Variants in METTL16 observed in about 807,000 individuals in gnomAD.
METTL16 encodes methyltransferase 16, RNA N6-adenosine.
METTL16 carries 19 observed loss-of-function variants against 57.9 expected under a neutral mutation model. The ratio of observed to expected loss-of-function variants is 0.33; its 90% CI spans 0.23 to 0.48. The LOEUF (loss-of-function observed/expected upper bound fraction) is 0.48. Among genes scored for constraint, METTL16 ranks in the 20% least tolerant of loss-of-function variants. The pLI is 0.99. For missense variants in METTL16, 434 were observed against 691.5 expected, an observed-to-expected ratio of 0.63 and a Z score of 4.18; for synonymous variants, 246 against 255.6, an observed-to-expected ratio of 0.96 and a Z score of 0.36.
chr17:2,454,909 T>C (rs2067097824), intron 6 of METTL16, among the ~76,000 whole-genome samples: 1 of 151,778 alleles, frequency 6.6e-6, no homozygotes, highest in Non-Finnish European at 1.5e-5. Flanking sequence ...GCTTTTAATT[T>C]GTTATCCTAT....
chr17:2,449,447 A>G (rs1442762798), intron 6 of METTL16, among the ~76,000 whole-genome samples: 2 of 152,188 alleles, frequency 1.3e-5, no homozygotes, highest in African/African-American at 4.8e-5. Context: ...GATGCAAGCA[A>G]TCCTCCTGCC....
intron 7 of METTL16, among the ~76,000 whole-genome samples, chr17:2,440,970 C>CAAAAAAAAAAAAA (rs760521188): frequency 3.2e-4 from 11 of 34,046 alleles, no homozygotes; most frequent in Middle Eastern, 0.031. Context: ...GACTTGATCT[C>CAAAAAAAAAAAAA]AAAAAAAAAA....
chr17:2,433,273 G>A (rs1778985537), intron 8 of METTL16, among the ~76,000 whole-genome samples: 1 of 152,196 alleles, frequency 6.6e-6, no homozygotes, highest in Non-Finnish European at 1.5e-5. Flanking sequence ...TCGGCACCAT[G>A]GGAAGGCTGT....
intron 2 of METTL16, among the ~76,000 whole-genome samples, chr17:2,484,653 C>G (rs113698134): frequency 6.6e-6 from 1 of 152,088 alleles, no homozygotes; most frequent in African/African-American, 2.4e-5. Flanking sequence ...TACCACCATG[C>G]CCGGCTAATT....
chr17:2,419,573 C>A lies in METTL16; in HGVS notation c.*397G>T. 2.2e-6 allele frequency: 1 copy of A among 462,406 alleles called. No homozygotes were observed. Among genetic ancestry groups the A allele is most frequent in the South Asian group, 1.5e-5 (1 of 64,552 alleles). 28.6% of individuals were successfully genotyped at this position (462,406 alleles called of 1,614,324 possible). A position where few individuals can be genotyped will look rare whatever the true frequency, so the allele number is the denominator to read the frequency against. On this transcript the variant is annotated 3_prime_UTR_variant, in exon 10 of 10. Coordinates refer to ENST00000263092, the MANE Select transcript of METTL16 (RefSeq NM_024086.4). ...GCTGGAGGCAGAGAGAGCCACCCCT[C>A]CTCAAGAAACACCCTTGGGTGACAG...
chr17:2,503,415 G>A (rs890093832), intron 1 of METTL16, among the ~76,000 whole-genome samples: 6 of 139,460 alleles, frequency 4.3e-5, no homozygotes, highest in South Asian at 2.4e-4. Context: ...AACAAAATAC[G>A]GTATATCCAT....
chr17:2,484,745 C>T (rs758703013), intron 2 of METTL16, among the ~76,000 whole-genome samples: 2 of 152,242 alleles, frequency 1.3e-5, no homozygotes, highest in Non-Finnish European at 1.5e-5. Context: ...CTGCCTGCCT[C>T]GGCCTCCCAA....
intron 7 of METTL16, among the ~76,000 whole-genome samples, chr17:2,439,867 G>T (rs539155243): frequency 1.6e-4 from 24 of 152,156 alleles, no homozygotes; most frequent in African/African-American, 4.8e-4. Context: ...AGAGTATAAA[G>T]AAAATTCTAT....
intron 2 of METTL16, among the ~76,000 whole-genome samples, chr17:2,492,516 A>T (rs1011817708): frequency 1.3e-5 from 2 of 152,124 alleles, no homozygotes; most frequent in African/African-American, 4.8e-5. Context: ...CACAACTGCT[A>T]ACCTTCATGA....
chr17:2,502,066 G>C, intron 2 of METTL16, 138 bp downstream of exon 2: 2 of 791,702 alleles, frequency 2.5e-6, no homozygotes, highest in South Asian at 2.0e-5. Context: ...CTGAGACCAA[G>C]AGAGGTTAAG....
intron 8 of METTL16, among the ~76,000 whole-genome samples, chr17:2,430,749 G>T (rs2066867945): frequency 6.6e-6 from 1 of 151,544 alleles, no homozygotes; most frequent in African/African-American, 2.4e-5. Flanking sequence ...TTTTTAAATT[G>T]AAATATAGAT....
chr17:2,462,197 C>T (rs1333540257), intron 6 of METTL16, among the ~76,000 whole-genome samples: 3 of 152,090 alleles, frequency 2.0e-5, no homozygotes, highest in Non-Finnish European at 2.9e-5. Flanking sequence ...ACCTTGAAAA[C>T]ATGACGAAAA....
chr17:2,483,356 T>C (rs1258723166), intron 2 of METTL16, among the ~76,000 whole-genome samples: 1 of 152,200 alleles, frequency 6.6e-6, no homozygotes, highest in Non-Finnish European at 1.5e-5. Flanking sequence ...AAGAGAATAA[T>C]AACTTTAAAA....
chr17:2,481,532 C>T (rs771204055), intron 2 of METTL16, among the ~76,000 whole-genome samples: 2 of 151,884 alleles, frequency 1.3e-5, no homozygotes, highest in Non-Finnish European at 1.5e-5. Context: ...TGGTTGTACA[C>T]GTGTCAATAT....
chr17:2,447,271 A>G (rs1233543401), intron 6 of METTL16, among the ~76,000 whole-genome samples: 12 of 135,620 alleles, frequency 8.8e-5, no homozygotes, highest in South Asian at 2.5e-4. Flanking sequence ...TGCTGGCCGC[A>G]ACCCTGTCTG....
rs183523849 is a variant in METTL16 at position 2,457,775 on chromosome 17, T to A, written c.728+6433A>T. Among the ~76,000 whole-genome samples, 235 of 152,026 alleles carry A rather than the reference T, an allele frequency of 1.5e-3. 3 individuals carry two copies. Among genetic ancestry groups the A allele is most frequent in the African/African-American group, 5.2e-3 (217 of 41,438 alleles). On this transcript the variant is annotated intron_variant, in intron 6 of 9. Transcript: ENST00000263092. ...TCCACTATTATTATTATGTCAAATATGTATTCATTTAATTCTATAACCACT... is the reference window on the plus strand; with the variant it reads ...TCCACTATTATTATTATGTCAAATAAGTATTCATTTAATTCTATAACCACT...
At chr17:2,473,467 A>C in intron 4 of METTL16, 57 bp downstream of exon 4, 1 of 1,542,552 alleles carries the variant, frequency 6.5e-7, no homozygotes, top group Non-Finnish European at 8.7e-7. Context: ...AAATGCGTTA[A>C]ACTAAAAAGG....
At chr17:2,493,328 A>T (rs1445187179) in intron 2 of METTL16, among the ~76,000 whole-genome samples, 1 of 150,832 alleles carries the variant, frequency 6.6e-6, no homozygotes, top group Non-Finnish European at 1.5e-5. Context: ...TGACCTCATG[A>T]TCCGCCCGCC....
chr17:2,421,710 T>C (rs2066767406), intron 8 of METTL16, among the ~76,000 whole-genome samples: 1 of 152,154 alleles, frequency 6.6e-6, no homozygotes, highest in South Asian at 2.1e-4. Flanking sequence ...TGAGTTTATA[T>C]TGGCTGAGGC....
Sources: gnomAD v4.1 joint callset for allele counts (sites outside exome capture counted in the v4.1 genomes callset) on GRCh38, gnomAD v4.1.1 for gene constraint, MANE v1.5 for transcripts, NCBI Gene and HGNC (gene_info 2026-07-23, HGNC 2026-07-21) for gene names.